Variants in LIMCH1 observed in about 807,000 individuals in gnomAD.
The protein encoded by LIMCH1 is LIM and calponin homology domains-containing protein 1.
Under a neutral mutation model 176.5 loss-of-function variants are expected in LIMCH1, and 113 were observed. The ratio of observed to expected loss-of-function variants is 0.64; its 90% CI spans 0.55 to 0.75. The LOEUF is 0.75. Among genes scored for constraint, LIMCH1 ranks in the 30% least tolerant of loss-of-function variants. The probability of loss-of-function intolerance (pLI) is 0.00; values close to 1 mark genes in which losing one functional copy is unlikely to be tolerated. For missense variants in LIMCH1, 1,674 were observed against 1,814.9 expected (o/e 0.92, Z 1.41); for synonymous variants, 619 against 645.9 (o/e 0.96, Z 0.63).
At chr4:41,685,858 G>T in intron 28 of LIMCH1, 28 bp downstream of exon 28, 1 of 1,598,934 alleles carries the variant, frequency 6.3e-7, no homozygotes, top group South Asian at 1.1e-5. Flanking sequence ...ATGGTTGTGG[G>T]ATTCCCTTTT....
intron 25 of LIMCH1, among the ~76,000 whole-genome samples, chr4:41,681,308 A>G (rs1378619213): frequency 1.3e-5 from 2 of 152,118 alleles, no homozygotes; most frequent in Admixed American, 1.3e-4. Flanking sequence ...AGTAGTCTGG[A>G]AGCCAAAGTC....
intron 1 of LIMCH1, among the ~76,000 whole-genome samples, chr4:41,435,162 AAG>A (rs1442012125): frequency 4.6e-5 from 7 of 152,208 alleles, no homozygotes; most frequent in Admixed American, 2.0e-4. Context: ...GAAGCAGAAA[AAG>A]AGGAGATTAT....
intron 14 of LIMCH1, 22 bp from the exon 15 acceptor site, chr4:41,644,478 T>G (rs1175786708): frequency 6.6e-7 from 1 of 1,510,184 alleles, no homozygotes; most frequent in Non-Finnish European, 8.9e-7. Flanking sequence ...GTCCCTCTTG[T>G]GTTCGCTCTC....
chr4:41,556,630 A>G (rs987700477), intron 1 of LIMCH1, among the ~76,000 whole-genome samples: 1 of 152,084 alleles, frequency 6.6e-6, no homozygotes, highest in African/African-American at 2.4e-5. Context: ...GGAAACTGAG[A>G]CTTAGATGAA....
At chr4:41,419,427 G>A (rs11724650) in intron 1 of LIMCH1, among the ~76,000 whole-genome samples, 27,505 of 151,844 alleles carry the variant, frequency 0.18, 2,691 homozygotes, top group South Asian at 0.28. Context: ...GCCCACCTCG[G>A]CCTCCCAAAG....
intron 1 of LIMCH1, among the ~76,000 whole-genome samples, chr4:41,571,665 G>A (rs2083575942): frequency 6.6e-6 from 1 of 152,166 alleles, no homozygotes; most frequent in Non-Finnish European, 1.5e-5. Flanking sequence ...AAGAACTAGT[G>A]CATTTTGAGG....
chr4:41,632,608 A>G, intron 10 of LIMCH1, 141 bp from the exon 11 acceptor site: 2 of 688,636 alleles, frequency 2.9e-6, no homozygotes, highest in Non-Finnish European at 5.1e-6. Context: ...ATCTGATTAT[A>G]TCATCCTTAC....
At chr4:41,554,686 A>G (rs1487535229) in intron 1 of LIMCH1, among the ~76,000 whole-genome samples, 2 of 152,162 alleles carry the variant, frequency 1.3e-5, no homozygotes, top group African/African-American at 4.8e-5. Flanking sequence ...ATTTTTGTCC[A>G]TATATACTGC....
intron 18 of LIMCH1, among the ~76,000 whole-genome samples, chr4:41,656,818 A>G (rs2152964249): frequency 6.6e-6 from 1 of 152,234 alleles, no homozygotes; most frequent in South Asian, 2.1e-4. Context: ...ACTTGTTCCA[A>G]CCCATAGAGG....
At chr4:41,399,342 G>C (rs2058129886) in intron 1 of LIMCH1, among the ~76,000 whole-genome samples, 1 of 152,168 alleles carries the variant, frequency 6.6e-6, no homozygotes. Context: ...CAGAGAAAAG[G>C]GAGGGAACTC....
At chr4:41,550,239 T>C (rs73146321) in intron 1 of LIMCH1, among the ~76,000 whole-genome samples, 7,497 of 151,550 alleles carry the variant, frequency 0.049, 648 homozygotes, top group African/African-American at 0.17. Flanking sequence ...TAATTTTATA[T>C]TGTGTGTATG....
intron 1 of LIMCH1, among the ~76,000 whole-genome samples, chr4:41,597,081 A>G (rs1331659872): frequency 1.3e-5 from 2 of 151,976 alleles, no homozygotes; most frequent in Non-Finnish European, 2.9e-5. Context: ...CTTCTCAGAT[A>G]TAGCCCCCCT....
chr4:41,515,320 C>G (rs193019213), intron 2 of LIMCH1, among the ~76,000 whole-genome samples: 2 of 152,224 alleles, frequency 1.3e-5, no homozygotes, highest in Non-Finnish European at 2.9e-5. Context: ...TATTGCCTTC[C>G]GCCTGTCCAG....
intron 1 of LIMCH1, among the ~76,000 whole-genome samples, chr4:41,366,469 G>A (rs1477837243): frequency 6.6e-6 from 1 of 152,134 alleles, no homozygotes; most frequent in African/African-American, 2.4e-5. Flanking sequence ...CTTAGGATGT[G>A]TGTGTGTTTA....
chr4:41,448,528 T>A (rs932752055), intron 1 of LIMCH1, among the ~76,000 whole-genome samples: 1 of 146,602 alleles, frequency 6.8e-6, no homozygotes, highest in Non-Finnish European at 1.5e-5. Flanking sequence ...GGAAGCACAA[T>A]TCATTAATTT....
At chr4:41,493,304 A>G (rs1413506067) in intron 1 of LIMCH1, among the ~76,000 whole-genome samples, 1 of 151,624 alleles carries the variant, frequency 6.6e-6, no homozygotes, top group African/African-American at 2.4e-5. Context: ...AGTATTTTTT[A>G]TGATCAATTT....
intron 1 of LIMCH1, among the ~76,000 whole-genome samples, chr4:41,557,679 A>T (rs1287425902): frequency 2.6e-5 from 4 of 151,986 alleles, no homozygotes; most frequent in Non-Finnish European, 4.4e-5. Context: ...ATTTAAGGTG[A>T]TGAGGGAAAC....
chr4:41,673,883 C>T lies in LIMCH1; in HGVS notation c.3438+2289C>T, dbSNP rs144868881. Reference sequence around the variant, plus strand: ...ACTTCCTCTAGCACCTTTTACATCTCTTATGATAGTTATCACACTGTCTTC... The same window carrying T: ...ACTTCCTCTAGCACCTTTTACATCTTTTATGATAGTTATCACACTGTCTTC... On this transcript the variant is annotated intron_variant, in intron 22 of 31. Transcript: ENST00000503057. 5.7e-3 allele frequency among the ~76,000 whole-genome samples: 868 copies of T among 152,278 alleles called. 5 individuals are homozygous for T. The highest frequency in any genetic ancestry group is 7.7e-3 in the South Asian group (37 of 4,816).
At chr4:41,480,143 T>A (rs1171330916) in intron 1 of LIMCH1, among the ~76,000 whole-genome samples, 2 of 152,172 alleles carry the variant, frequency 1.3e-5, no homozygotes, top group Non-Finnish European at 2.9e-5. Flanking sequence ...TGGACTGTTG[T>A]CAATCAGACT....
Sources: gnomAD v4.1 joint callset for allele counts (sites outside exome capture counted in the v4.1 genomes callset) on GRCh38, gnomAD v4.1.1 for gene constraint, MANE v1.5 for transcripts, NCBI Gene and HGNC (gene_info 2026-07-23, HGNC 2026-07-21) for gene names.